Variants in CYP4V2 observed in about 807,000 individuals in gnomAD.
The protein encoded by CYP4V2 is cytochrome P450 family 4 subfamily V member 2, also known as cytochrome P450 4V2.
CYP4V2 carries 55 observed loss-of-function variants against 60.8 expected under a neutral mutation model. That is an observed-to-expected ratio of 0.90 (90% confidence interval 0.73 to 1.13). The LOEUF (loss-of-function observed/expected upper bound fraction) is 1.13, where lower values mean the gene tolerates loss of function less well. CYP4V2 is among the 50% of genes most tolerant of loss of function. The pLI, the probability that CYP4V2 is intolerant of heterozygous loss-of-function variation, is 0.00. For synonymous variants in CYP4V2, 239 were observed against 236.8 expected, an observed-to-expected ratio of 1.01 and a Z score of -0.08; for missense variants, 675 against 662.9, an observed-to-expected ratio of 1.02 and a Z score of -0.20.
Position 186,208,877 on chromosome 4 carries a change from G to A in CYP4V2, c.1103G>A (p.Arg368His), listed in dbSNP as rs138739819. The change falls in exon 9 of 11, where the codon CGT becomes CAT. Residue 368 changes from arginine (R) to histidine (H), a missense_variant. Transcript: ENST00000378802. The stretch of plus-strand genomic sequence containing the variant: ...TTGCTTTCATCAGGGAAGTCTGACC[G>A]TCCCGCTACAGTAGAAGACCTGAAG... ...ELDDVFGKSDRPATVEDLKKL... is the reference protein window; with the variant it reads ...ELDDVFGKSDHPATVEDLKKL... 586 of 1,614,196 alleles carry A rather than the reference G, an allele frequency of 3.6e-4. No homozygotes were observed. The highest frequency in any genetic ancestry group is 4.7e-4 in the Non-Finnish European group (550 of 1,180,038).
In CYP4V2 at chr4:186,194,487, T is replaced by C. The variant is rs1236768020; in HGVS notation, c.215-13T>C. The C allele has an allele frequency of 6.2e-7, 1 of 1,608,198 alleles. No homozygotes were observed. Among genetic ancestry groups the C allele is most frequent in the Non-Finnish European group, 8.5e-7 (1 of 1,174,558 alleles). ...CATCTTGATTGAATTTCAAATTTGA[T>C]GTTTTTCCCCAGAATTTTTTCAGCA... is the stretch of plus-strand genomic sequence containing the variant. On this transcript the variant is annotated splice_polypyrimidine_tract_variant and intron_variant, in intron 1 of 10. Transcript: ENST00000378802.
chr4:186,210,503 T>C lies in CYP4V2; in HGVS notation c.1440T>C (p.Ile480=). 1 of 1,614,174 alleles carries C rather than the reference T, an allele frequency of 6.2e-7. No individual in the cohort carries two copies. The highest frequency in any genetic ancestry group is 8.5e-7 in the Non-Finnish European group (1 of 1,180,024). The change falls in exon 11 of 11, where the codon ATT becomes ATC. Residue 480 remains isoleucine (I), a synonymous_variant. Transcript: ENST00000378802. ...QKFAVMEEKT[I]LSCILRHFWI... ...TTGCTGTGATGGAAGAAAAGACCAT[T>C]CTTTCGTGCATCCTGAGGCACTTTT...
rs1300413439 is a variant in CYP4V2 at position 186,213,176 on chromosome 4, G to A, written c.*2535G>A. On this transcript the variant is annotated 3_prime_UTR_variant, in exon 11 of 11. Coordinates refer to ENST00000378802, the MANE Select transcript of CYP4V2 (RefSeq NM_207352.4). ...TTGTTACTCATATTTTAATCAGTAA[G>A]TCATTTAAGCTATGACAGAGTAGGA... 1 of 152,108 alleles carries A rather than the reference G, an allele frequency of 6.6e-6. No individual in the cohort carries two copies. Among genetic ancestry groups the A allele is most frequent in the Non-Finnish European group, 1.5e-5 (1 of 68,032 alleles). The allele number at this position is 152,108 out of a possible 1,614,324, so 9.4% of individuals were successfully genotyped here.
At chr4:186,197,736 G>GT in intron 5 of CYP4V2, 134 bp downstream of exon 5, 1 of 873,576 alleles carries the variant, frequency 1.1e-6, no homozygotes, top group East Asian at 2.6e-5. Flanking sequence ...ACCTCATCAT[G>GT]TAAGCATGTG....
In CYP4V2 at chr4:186,196,056, A is replaced by C; in HGVS notation, c.381A>C (p.Leu127Phe). ...QIDKSSMYKF[L>F]EPWLGLGLLT... ...ACAAATCCTCTATGTACAAGTTTTT[A>C]GAACCATGGCTTGGCCTAGGACTTC... Residue 127 changes from leucine to phenylalanine, a missense_variant, in exon 3 of 11, where the codon TTA (leucine) becomes TTC (phenylalanine). Transcript: ENST00000378802. 6.2e-7 allele frequency: 1 copy of C among 1,614,180 alleles called. No individual in the cohort carries two copies. Among genetic ancestry groups the C allele is most frequent in the Non-Finnish European group, 8.5e-7 (1 of 1,179,980 alleles).
chr4:186,210,891 C>A lies in CYP4V2; in HGVS notation c.*250C>A. On this transcript the variant is annotated 3_prime_UTR_variant, in exon 11 of 11. Transcript: ENST00000378802. The stretch of plus-strand genomic sequence containing the variant: ...CTCTGTCGCCCAGGCTGGAGGAGTG[C>A]AGTGGTGTGATCTCAGCTCACTGCA... 1 of 416,716 alleles carries A rather than the reference C, an allele frequency of 2.4e-6. No homozygotes were observed. Among genetic ancestry groups the A allele is most frequent in the Non-Finnish European group, 4.4e-6 (1 of 229,034 alleles). The allele number at this position is 416,716 out of a possible 1,614,324, so 25.8% of individuals were successfully genotyped here. A position where few individuals can be genotyped will look rare whatever the true frequency, so the allele number is the denominator to read the frequency against.
chr4:186,196,900 CTG>C (rs1471097583), intron 3 of CYP4V2, 38 bp from the exon 4 acceptor site: 3 of 1,480,804 alleles, frequency 2.0e-6, no homozygotes, highest in African/African-American at 3.0e-5. Flanking sequence ...CTCTCTCTCT[CTG>C]TAGATATATT....
In CYP4V2 at chr4:186,201,195, A is replaced by G; in HGVS notation, c.840A>G (p.Glu280=). The G allele has an allele frequency of 1.9e-6, 3 of 1,614,186 alleles. No individual in the cohort carries two copies. The highest frequency in any genetic ancestry group is 2.5e-6 in the Non-Finnish European group (3 of 1,180,022). The part of the protein sequence containing the change: ...AERANEMNAN[E]DCRGDGRGSA... ...GGGCCAATGAAATGAACGCCAATGA[A>G]GACTGTAGAGGTGATGGCAGGGGCT... Residue 280 remains glutamate, a synonymous_variant, in exon 7 of 11, where the codon GAA becomes GAG. Coordinates refer to ENST00000378802, the MANE Select transcript of CYP4V2 (RefSeq NM_207352.4).
At chr4:186,205,852 A>T (rs1736481006) in intron 8 of CYP4V2, among the ~76,000 whole-genome samples, 1 of 152,066 alleles carries the variant, frequency 6.6e-6, no homozygotes, top group Non-Finnish European at 1.5e-5. Flanking sequence ...CTCATGATTG[A>T]CGTTCCAAGC....
In CYP4V2 at chr4:186,210,658, T is replaced by C; in HGVS notation, c.*17T>C. 6.2e-7 allele frequency: 1 copy of C among 1,614,020 alleles called. No individual in the cohort carries two copies. Among genetic ancestry groups the C allele is most frequent in the East Asian group, 2.2e-5 (1 of 44,856 alleles). ...GAACGCTAACTATATTATTGGGTTG[T>C]GCCTTTATCATGAGAAAGGTCTTTA... On this transcript the variant is annotated 3_prime_UTR_variant, in exon 11 of 11. Coordinates refer to ENST00000378802, the MANE Select transcript of CYP4V2 (RefSeq NM_207352.4).
chr4:186,205,341 AG>A, intron 8 of CYP4V2, 39 bp downstream of exon 8: 1 of 1,561,152 alleles, frequency 6.4e-7, no homozygotes, highest in Non-Finnish European at 8.8e-7. Flanking sequence ...TGTGGTACTA[AG>A]TCTGCTGCAG....
intron 7 of CYP4V2, chr4:186,202,639 C>T (rs1012996999): frequency 1.3e-5 from 2 of 150,522 alleles, no homozygotes; most frequent in South Asian, 2.2e-4. Context: ...CTTACACACA[C>T]ACATATGCTC....
intron 3 of CYP4V2, 29 bp from the exon 4 acceptor site, chr4:186,196,908 ATAT>A (rs1245746895): frequency 3.8e-6 from 6 of 1,598,502 alleles, no homozygotes; most frequent in Admixed American, 3.3e-5. Context: ...CTCTGTAGAT[ATAT>A]TTTTTGTAAC....
chr4:186,199,772 A>G (rs1207038018), intron 6 of CYP4V2, among the ~76,000 whole-genome samples: 1 of 143,770 alleles, frequency 7.0e-6, no homozygotes, highest in Non-Finnish European at 1.6e-5. Flanking sequence ...ATAGGATGTC[A>G]ATCTTTGTGT....
chr4:186,193,766 C>T (rs7676565), intron 1 of CYP4V2, among the ~76,000 whole-genome samples: 21,920 of 152,186 alleles, frequency 0.14, 5,037 homozygotes, highest in African/African-American at 0.49. Flanking sequence ...GTCGTTGTTC[C>T]CAAGAATCTT....
chr4:186,197,678 C>T lies in CYP4V2; in HGVS notation c.674+76C>T, dbSNP rs193051736. 6.0e-5 allele frequency: 88 copies of T among 1,460,528 alleles called. No individual in the cohort carries two copies. In the East Asian group the frequency reaches 1.8e-3, roughly 30 times the overall value. The allele number at this position is 1,460,528 out of a possible 1,614,324, so 90.5% of individuals were successfully genotyped here. ...TAAAAATTATTGCTAACAATTTCTG[C>T]GTTGTATCTTTTTATGGTTTCAAAA... On this transcript the variant is annotated intron_variant, in intron 5 of 10. Coordinates refer to ENST00000378802, the MANE Select transcript of CYP4V2 (RefSeq NM_207352.4).
At chr4:186,203,035 CAT>C (rs1736369049) in intron 7 of CYP4V2, 3 of 150,754 alleles carry the variant, frequency 2.0e-5, no homozygotes, top group Non-Finnish European at 4.4e-5. Context: ...CACACATGCG[CAT>C]ATACACATAC....
intron 7 of CYP4V2, chr4:186,204,889 TTGTTC>T: frequency 2.4e-6 from 1 of 418,122 alleles, no homozygotes; most frequent in South Asian, 2.1e-5. Context: ...AAATCAGACT[TTGTTC>T]TGTTCACAAA....
intron 7 of CYP4V2, chr4:186,204,584 G>A (rs1245232731): frequency 5.2e-6 from 1 of 191,054 alleles, no homozygotes; most frequent in Non-Finnish European, 1.1e-5. Flanking sequence ...AAGCTGTTTA[G>A]CACAGAAGAA....
Sources: gnomAD v4.1 joint callset for allele counts (sites outside exome capture counted in the v4.1 genomes callset) on GRCh38, gnomAD v4.1.1 for gene constraint, MANE v1.5 for transcripts, NCBI Gene and HGNC (gene_info 2026-07-23, HGNC 2026-07-21) for gene names.